Variants in GALNT13 observed in about 807,000 individuals in gnomAD.
GALNT13 encodes UDP-GalNAc:polypeptide N-acetylgalactosaminyltransferase 13.
A neutral mutation model predicts 64.2 loss-of-function variants in GALNT13; 28 were observed. The observed-to-expected ratio is 0.44, with a 90% confidence interval of 0.32 to 0.60. GALNT13 has a LOEUF of 0.60. GALNT13 is among the 20% of genes least tolerant of loss of function. The pLI, the probability that GALNT13 is intolerant of heterozygous loss-of-function variation, is 0.05. For missense variants in GALNT13, 577 were observed against 669.8 expected (o/e 0.86, Z 1.53); for synonymous variants, 214 against 224.6 (o/e 0.95, Z 0.42).
chr2:154,018,080 A>T (rs570253303), intron 3 of GALNT13, among the ~76,000 whole-genome samples: 1 of 152,178 alleles, frequency 6.6e-6, no homozygotes, highest in African/African-American at 2.4e-5. Context: ...GTCAGGTGTG[A>T]TTCCTAGCTC....
intron 9 of GALNT13, among the ~76,000 whole-genome samples, chr2:154,389,597 T>C (rs707046): frequency 0.41 from 62,616 of 152,044 alleles, 13,471 homozygotes; most frequent in African/African-American, 0.54. Context: ...TAGACATCTA[T>C]TAGGGGAAGA....
At chr2:153,572,999 T>C in the GALNT13 span, among the ~76,000 whole-genome samples, 1 of 151,940 alleles carries the variant, frequency 6.6e-6, no homozygotes, top group Non-Finnish European at 1.5e-5. Context: ...TCTATATTGA[T>C]TTTCTGTCTG....
chr2:153,231,591 A>G, the GALNT13 span, among the ~76,000 whole-genome samples: 1 of 152,258 alleles, frequency 6.6e-6, no homozygotes, highest in Non-Finnish European at 1.5e-5. Context: ...TTCAGTTAAC[A>G]GAATAGGGTT....
intron 3 of GALNT13, among the ~76,000 whole-genome samples, chr2:154,074,247 T>G (rs1700879193): frequency 1.3e-5 from 2 of 151,898 alleles, no homozygotes; most frequent in Admixed American, 1.3e-4. Flanking sequence ...CATTATTATC[T>G]TAAATAAGTT....
chr2:153,917,553 T>C (rs150018242), intron 2 of GALNT13, among the ~76,000 whole-genome samples: 5 of 152,152 alleles, frequency 3.3e-5, no homozygotes, highest in Non-Finnish European at 7.4e-5. Flanking sequence ...ACCAAAAACG[T>C]CTAAATAATG....
At chr2:154,360,427 AATAG>A (rs1696998777) in intron 9 of GALNT13, among the ~76,000 whole-genome samples, 1 of 152,234 alleles carries the variant, frequency 6.6e-6, no homozygotes, top group East Asian at 1.9e-4. Context: ...CAACTTCTTA[AATAG>A]ATCTTTGAGT....
At chr2:154,368,842 G>A (rs1697518320) in intron 9 of GALNT13, among the ~76,000 whole-genome samples, 1 of 152,136 alleles carries the variant, frequency 6.6e-6, no homozygotes, top group Admixed American at 6.6e-5. Context: ...ACTGGTAAGA[G>A]ATGTTGAGGG....
At chr2:153,473,988 A>G in the GALNT13 span, among the ~76,000 whole-genome samples, 1,009 of 152,284 alleles carry the variant, frequency 6.6e-3, 12 homozygotes, top group African/African-American at 0.023. Context: ...TGGAAATTTA[A>G]GGTGCTGGTG....
chr2:153,093,230 TCTTTTCTTTTC>T, the GALNT13 span, among the ~76,000 whole-genome samples: 1 of 100,172 alleles, frequency 1.0e-5, no homozygotes, highest in African/African-American at 3.1e-5. Context: ...TTTCTTTTTT[TCTTTTCTTTTC>T]TTTTTTTTTT....
At chr2:153,558,731 T>C in the GALNT13 span, among the ~76,000 whole-genome samples, 4 of 152,216 alleles carry the variant, frequency 2.6e-5, no homozygotes, top group Non-Finnish European at 5.9e-5. Flanking sequence ...TAACTTCCGT[T>C]AAAATTTATT....
rs116722461 is a variant in GALNT13 at position 153,872,717 on chromosome 2, C to T, written c.-177+414C>T. ...TCCAAGCCCAGACAACTTTCTCGCA[C>T]CAGCTGCAGGCAGCCCCGGCTGCGT... is the stretch of plus-strand genomic sequence containing the variant. On this transcript the variant is annotated intron_variant, in intron 1 of 12. Transcript: ENST00000392825. 2.1e-3 allele frequency among the ~76,000 whole-genome samples: 315 copies of T among 151,816 alleles called. 2 individuals carry two copies. Among genetic ancestry groups the T allele is most frequent in the African/African-American group, 6.9e-3 (285 of 41,338 alleles).
chr2:154,446,581 TTCATATAA>T, intron 12 of GALNT13: 1 of 1,543,684 alleles, frequency 6.5e-7, no homozygotes, highest in African/African-American at 1.4e-5. Flanking sequence ...CACACTCTTC[TTCATATAA>T]TCACCCAGTC....
chr2:153,790,063 C>T, the GALNT13 span, among the ~76,000 whole-genome samples: 1 of 152,124 alleles, frequency 6.6e-6, no homozygotes, highest in South Asian at 2.1e-4. Context: ...TGAGGAGGGA[C>T]TGCTTCCCAA....
chr2:154,420,331 C>T (rs181132792), intron 11 of GALNT13, among the ~76,000 whole-genome samples: 319 of 152,242 alleles, frequency 2.1e-3, no homozygotes, highest in African/African-American at 7.5e-3. Context: ...TGCAAGCTCT[C>T]TGCTGACTTT....
At chr2:154,025,396 A>C (rs1317125397) in intron 3 of GALNT13, among the ~76,000 whole-genome samples, 1 of 152,190 alleles carries the variant, frequency 6.6e-6, no homozygotes, top group Non-Finnish European at 1.5e-5. Context: ...CTAATGTTTT[A>C]GTACATTTTC....
chr2:154,347,611 A>G (rs950619818), intron 9 of GALNT13, among the ~76,000 whole-genome samples: 1 of 152,164 alleles, frequency 6.6e-6, no homozygotes, highest in Non-Finnish European at 1.5e-5. Context: ...TCAAATTGCC[A>G]GACAAAGTCA....
chr2:153,273,444 T>C, the GALNT13 span, among the ~76,000 whole-genome samples: 4 of 152,196 alleles, frequency 2.6e-5, no homozygotes, highest in Admixed American at 2.0e-4. Context: ...AACCTGTCTT[T>C]AGAATAATGC....
chr2:154,446,620 T>C (rs191127453), intron 12 of GALNT13: 33 of 1,548,414 alleles, frequency 2.1e-5, no homozygotes, highest in African/African-American at 5.5e-5. Context: ...GTGAACAAAG[T>C]AGCTGATGGC....
the GALNT13 span, chr2:153,201,763 A>C: frequency 1.3e-5 from 2 of 152,156 alleles, no homozygotes; most frequent in East Asian, 3.9e-4. Flanking sequence ...CCAGGTGGGC[A>C]CTATTCACTA....
Sources: allele counts gnomAD v4.1 joint callset (sites outside exome capture counted in the v4.1 genomes callset), GRCh38; gene constraint gnomAD v4.1.1; transcripts MANE v1.5; gene names NCBI Gene and HGNC (gene_info 2026-07-23, HGNC 2026-07-21).